MAP4K3: variants seen among roughly 807,000 people sequenced by gnomAD.
The protein encoded by MAP4K3 is MAPK/ERK kinase kinase kinase 3.
Under a neutral mutation model 143.5 loss-of-function variants are expected in MAP4K3, and 94 were observed. That is an observed-to-expected ratio of 0.65 (90% CI 0.55 to 0.78). The LOEUF (loss-of-function observed/expected upper bound fraction) is 0.78. Among genes scored for constraint, MAP4K3 ranks in the 30% least tolerant of loss-of-function variants. The pLI, the probability that MAP4K3 is intolerant of heterozygous loss-of-function variation, is 0.00. For synonymous variants in MAP4K3, 416 were observed against 347.2 expected, an observed-to-expected ratio of 1.20 and a Z score of -2.20; for missense variants, 1,077 against 1,068.1, an observed-to-expected ratio of 1.01 and a Z score of -0.12.
intron 3 of MAP4K3, among the ~76,000 whole-genome samples, chr2:39,345,864 G>A (rs1199295479): frequency 7.1e-6 from 1 of 141,720 alleles, no homozygotes; most frequent in Non-Finnish European, 1.5e-5. Context: ...GGAGCTTGCA[G>A]TGAGCAGAGA....
chr2:39,408,669 G>T (rs1221883792), intron 1 of MAP4K3, among the ~76,000 whole-genome samples: 3 of 151,526 alleles, frequency 2.0e-5, no homozygotes. Flanking sequence ...TGGGGGGTTG[G>T]GTGGGTGAAG....
At chr2:39,300,861 T>C (rs1167926995) in intron 15 of MAP4K3, among the ~76,000 whole-genome samples, 1 of 152,200 alleles carries the variant, frequency 6.6e-6, no homozygotes, top group Non-Finnish European at 1.5e-5. Flanking sequence ...AAAAGCGAGC[T>C]CCTTAAACAA....
chr2:39,421,429 T>G (rs1667545239), intron 1 of MAP4K3, among the ~76,000 whole-genome samples: 1 of 146,604 alleles, frequency 6.8e-6, no homozygotes, highest in Non-Finnish European at 1.5e-5. Flanking sequence ...CACCCTGGTC[T>G]TGAATTCCTG....
intron 13 of MAP4K3, among the ~76,000 whole-genome samples, chr2:39,311,149 C>G (rs572898768): frequency 6.6e-6 from 1 of 152,326 alleles, no homozygotes; most frequent in Non-Finnish European, 1.5e-5. Flanking sequence ...GCGATCTCAG[C>G]TCACTGCAAC....
chr2:39,436,910 G>A lies in MAP4K3; in HGVS notation c.78C>T (p.Thr26=). 1 of 1,611,758 alleles carries A rather than the reference G, an allele frequency of 6.2e-7. No individual in the cohort carries two copies. The highest frequency in any genetic ancestry group is 1.3e-5 in the African/African-American group (1 of 74,992). Residue 26 remains threonine (T), a synonymous_variant, in exon 1 of 34, where the codon ACC becomes ACT. Transcript: ENST00000263881. Reference sequence around the variant, plus strand: ...CCTTTACCTTGTAGACGTCGCCGTAGGTGCCGCTGCCGATGCGCTGAATCA... The same window carrying A: ...CCTTTACCTTGTAGACGTCGCCGTAAGTGCCGCTGCCGATGCGCTGAATCA... ...FELIQRIGSG[T]YGDVYKARNV...
intron 3 of MAP4K3, among the ~76,000 whole-genome samples, chr2:39,344,694 G>C (rs1573178192): frequency 6.6e-6 from 1 of 152,170 alleles, no homozygotes. Context: ...TGGGAACCCA[G>C]AGATGAAAAT....
chr2:39,356,032 A>T (rs535423225), intron 3 of MAP4K3: 14 of 429,546 alleles, frequency 3.3e-5, no homozygotes, highest in African/African-American at 2.9e-4. Flanking sequence ...CAGCATTTTC[A>T]CTAAAAGCAC....
intron 6 of MAP4K3, among the ~76,000 whole-genome samples, chr2:39,334,950 G>A (rs1333010296): frequency 6.6e-6 from 1 of 152,178 alleles, no homozygotes; most frequent in East Asian, 1.9e-4. Context: ...TATGAGCAGA[G>A]ATCTGGGTGA....
At chr2:39,410,536 C>T (rs1667207358) in intron 1 of MAP4K3, among the ~76,000 whole-genome samples, 1 of 152,052 alleles carries the variant, frequency 6.6e-6, no homozygotes, top group South Asian at 2.1e-4. Context: ...ACTCTAACAG[C>T]CAAAAATCTT....
chr2:39,424,403 G>A (rs1293460433), intron 1 of MAP4K3, among the ~76,000 whole-genome samples: 1 of 152,130 alleles, frequency 6.6e-6, no homozygotes. Context: ...GGTGCTTGGG[G>A]ATTTTAAAAC....
intron 28 of MAP4K3, among the ~76,000 whole-genome samples, chr2:39,261,376 C>A (rs1205038636): frequency 3.3e-5 from 5 of 151,038 alleles, no homozygotes; most frequent in African/African-American, 1.2e-4. Flanking sequence ...TTCTGAAGGA[C>A]AAAAAAAATA....
chr2:39,370,029 G>A (rs546058129), intron 2 of MAP4K3, among the ~76,000 whole-genome samples: 12 of 152,270 alleles, frequency 7.9e-5, no homozygotes, highest in African/African-American at 1.2e-4. Flanking sequence ...CCATATCTCC[G>A]TATCTTCCTT....
chr2:39,275,377 T>G lies in MAP4K3; in HGVS notation c.1795-2835A>C, dbSNP rs116463505. On this transcript the variant is annotated intron_variant, in intron 24 of 33. Coordinates refer to ENST00000263881, the MANE Select transcript of MAP4K3 (RefSeq NM_003618.4). ...GGCATGTGGCTGTAGTCCCAGCTAC[T>G]GAGAACGCTGAGGTGGGTCACTTGA... Among the ~76,000 whole-genome samples the G allele has an allele frequency of 6.5e-3, 982 of 152,244 alleles. 11 individuals carry two copies. The highest frequency in any genetic ancestry group is 0.023 in the African/African-American group (942 of 41,542).
intron 3 of MAP4K3, among the ~76,000 whole-genome samples, chr2:39,354,499 T>C (rs542922561): frequency 6.6e-6 from 1 of 151,254 alleles, no homozygotes; most frequent in African/African-American, 2.4e-5. Context: ...GTGCCTATCG[T>C]CCTAGCTACT....
At chr2:39,362,949 A>G (rs968452972) in intron 2 of MAP4K3, among the ~76,000 whole-genome samples, 5 of 152,246 alleles carry the variant, frequency 3.3e-5, no homozygotes, top group African/African-American at 4.8e-5. Flanking sequence ...CAATGGGATA[A>G]AACAGTATTC....
chr2:39,397,974 C>T (rs917910530), intron 1 of MAP4K3, among the ~76,000 whole-genome samples: 5 of 152,042 alleles, frequency 3.3e-5, no homozygotes, highest in Non-Finnish European at 7.4e-5. Flanking sequence ...TGATTTAAGT[C>T]CAACCACTTG....
chr2:39,290,250 C>A (rs376379670), intron 19 of MAP4K3, 42 bp downstream of exon 19: 2 of 1,477,196 alleles, frequency 1.4e-6, no homozygotes, highest in Non-Finnish European at 1.9e-6. Flanking sequence ...ATTGGCAGAA[C>A]AATAACACAC....
chr2:39,277,108 C>A (rs1438312152), intron 24 of MAP4K3, among the ~76,000 whole-genome samples: 1 of 152,212 alleles, frequency 6.6e-6, no homozygotes, highest in Non-Finnish European at 1.5e-5. Flanking sequence ...GGTTTCTAGT[C>A]TCATCTCTCA....
At chr2:39,393,044 T>G (rs1451320150) in intron 1 of MAP4K3, among the ~76,000 whole-genome samples, 1 of 152,258 alleles carries the variant, frequency 6.6e-6, no homozygotes, top group African/African-American at 2.4e-5. Flanking sequence ...TCTGCTTACT[T>G]AATTTGAGGC....
Sources: gnomAD v4.1 joint callset for allele counts (sites outside exome capture counted in the v4.1 genomes callset) on GRCh38, gnomAD v4.1.1 for gene constraint, MANE v1.5 for transcripts, NCBI Gene and HGNC (gene_info 2026-07-23, HGNC 2026-07-21) for gene names.